BMPER: variants seen among roughly 807,000 people sequenced by gnomAD.
BMPER encodes the protein BMP binding endothelial regulator.
In BMPER, 45 loss-of-function variants were observed where a neutral mutation model predicts 87.3. The observed-to-expected ratio is 0.52, with a 90% CI of 0.41 to 0.66. The LOEUF is 0.66. Among genes scored for constraint, BMPER ranks in the 30% least tolerant of loss-of-function variants. BMPER has a pLI of 0.00. For missense variants in BMPER, 784 were observed against 867.5 expected (o/e 0.90, Z 1.21); for synonymous variants, 326 against 316.2 (o/e 1.03, Z -0.33).
intron 6 of BMPER, among the ~76,000 whole-genome samples, chr7:33,992,482 C>T: frequency 1.4e-5 from 2 of 146,976 alleles, no homozygotes; most frequent in East Asian, 4.0e-4. Flanking sequence ...AGATCTTCCT[C>T]CATCCTTTTA....
chr7:33,968,231 G>T (rs1160887407), intron 4 of BMPER, among the ~76,000 whole-genome samples: 1 of 152,102 alleles, frequency 6.6e-6, no homozygotes, highest in African/African-American at 2.4e-5. Flanking sequence ...CTAAAACCTT[G>T]CCTGTGCCCT....
intron 11 of BMPER, among the ~76,000 whole-genome samples, chr7:34,075,596 C>T (rs1281371385): frequency 6.6e-6 from 1 of 152,178 alleles, no homozygotes; most frequent in East Asian, 1.9e-4. Flanking sequence ...CATCTTCTGA[C>T]TTACGCATAT....
At chr7:34,062,152 G>A (rs1788454336) in intron 11 of BMPER, 105 bp downstream of exon 11, 2 of 1,065,576 alleles carry the variant, frequency 1.9e-6, no homozygotes, top group Non-Finnish European at 2.8e-6. Flanking sequence ...ATTTTTGTAG[G>A]TATATATAGG....
chr7:34,137,487 G>A (rs779297003), intron 13 of BMPER, among the ~76,000 whole-genome samples: 39 of 152,188 alleles, frequency 2.6e-4, no homozygotes, highest in Non-Finnish European at 4.0e-4. Flanking sequence ...GTGTGTTCAC[G>A]GCACTGTGCT....
At chr7:34,102,833 AT>A (rs1789716647) in intron 13 of BMPER, among the ~76,000 whole-genome samples, 1 of 152,096 alleles carries the variant, frequency 6.6e-6, no homozygotes, top group Non-Finnish European at 1.5e-5. Context: ...TACATAATAT[AT>A]GAGGTGATTG....
chr7:33,951,911 A>G (rs535577476), intron 3 of BMPER, among the ~76,000 whole-genome samples: 2 of 152,310 alleles, frequency 1.3e-5, no homozygotes, highest in African/African-American at 4.8e-5. Context: ...ATGAAAAATG[A>G]CTGAATGTCT....
chr7:34,078,135 G>T (rs1374235655), intron 11 of BMPER, among the ~76,000 whole-genome samples: 1 of 152,050 alleles, frequency 6.6e-6, no homozygotes, highest in African/African-American at 2.4e-5. Flanking sequence ...TTGAATTAAT[G>T]ATATTTCAGA....
At chr7:34,114,047 A>T (rs1002417718) in intron 13 of BMPER, among the ~76,000 whole-genome samples, 2 of 152,100 alleles carry the variant, frequency 1.3e-5, no homozygotes, top group African/African-American at 4.8e-5. Context: ...TTTAATCTAG[A>T]GGGAGGGAGA....
At chr7:34,001,817 T>C (rs1310262734) in intron 6 of BMPER, among the ~76,000 whole-genome samples, 1 of 151,686 alleles carries the variant, frequency 6.6e-6, no homozygotes. Context: ...TGTTTACAGG[T>C]ACGCATTTCT....
At chr7:33,906,685 AT>A in intron 1 of BMPER, 132 bp from the exon 2 acceptor site, 1 of 794,648 alleles carries the variant, frequency 1.3e-6, no homozygotes, top group Non-Finnish European at 2.1e-6. Context: ...GGTGAATTTA[AT>A]AATTTAAACC....
At chr7:33,937,456 A>G in intron 3 of BMPER, 68 bp downstream of exon 3, 2 of 1,512,950 alleles carry the variant, frequency 1.3e-6, no homozygotes, top group South Asian at 2.3e-5. Context: ...TCTTTCTCTC[A>G]CCTTCCTTTT....
chr7:34,082,328 G>GTTTTTTT (rs55748957), intron 12 of BMPER, among the ~76,000 whole-genome samples: 6 of 116,416 alleles, frequency 5.2e-5, no homozygotes, highest in Admixed American at 1.9e-4. Context: ...CAACTTATTA[G>GTTTTTTT]TTTTTTTTTT....
intron 7 of BMPER, among the ~76,000 whole-genome samples, chr7:34,048,652 C>A (rs17169631): frequency 4.6e-5 from 7 of 152,076 alleles, no homozygotes; most frequent in African/African-American, 1.7e-4. Context: ...ACTGTGGATA[C>A]GCTGAGTCAA....
At chr7:33,905,792 G>T (rs1379492262) in intron 1 of BMPER, 46 bp downstream of exon 1, 5 of 1,539,398 alleles carry the variant, frequency 3.2e-6, no homozygotes, top group Admixed American at 1.7e-5. Flanking sequence ...ACGCCGGTTT[G>T]GTACCTGGGA....
intron 2 of BMPER, among the ~76,000 whole-genome samples, chr7:33,915,162 A>G (rs941081768): frequency 2.0e-5 from 3 of 152,240 alleles, no homozygotes; most frequent in Non-Finnish European, 4.4e-5. Context: ...ATGAAATTTT[A>G]AAAGGTACCC....
chr7:33,956,814 C>A (rs914244516), intron 3 of BMPER, among the ~76,000 whole-genome samples: 5 of 152,052 alleles, frequency 3.3e-5, no homozygotes, highest in African/African-American at 1.2e-4. Flanking sequence ...ATGTGTTAAT[C>A]AACTATGTTA....
intron 8 of BMPER, among the ~76,000 whole-genome samples, chr7:34,052,848 C>T (rs1788182235): frequency 6.6e-6 from 1 of 152,120 alleles, no homozygotes; most frequent in African/African-American, 2.4e-5. Context: ...CTGAACTGTC[C>T]GTTCCCTTGA....
intron 6 of BMPER, among the ~76,000 whole-genome samples, chr7:34,031,925 TATAC>T (rs1281240190): frequency 2.2e-3 from 209 of 95,992 alleles, no homozygotes; most frequent in Middle Eastern, 6.4e-3. Context: ...TATATATATA[TATAC>T]ACACACACAC....
intron 13 of BMPER, among the ~76,000 whole-genome samples, chr7:34,093,367 C>T (rs1166956790): frequency 6.6e-6 from 1 of 152,164 alleles, no homozygotes; most frequent in Non-Finnish European, 1.5e-5. Flanking sequence ...TCTTCTAGCC[C>T]CTCTTGGAGG....
Sources: gnomAD v4.1 joint callset for allele counts (sites outside exome capture counted in the v4.1 genomes callset) on GRCh38, gnomAD v4.1.1 for gene constraint, MANE v1.5 for transcripts, NCBI Gene and HGNC (gene_info 2026-07-23, HGNC 2026-07-21) for gene names.